The following AGBL1 variants were observed in gnomAD, a reference collection of about 807,000 sequenced individuals.
AGBL1 encodes AGBL carboxypeptidase 1.
Under a neutral mutation model 118.9 loss-of-function variants are expected in AGBL1, and 130 were observed. The observed-to-expected ratio is 1.09, with a 90% CI of 0.95 to 1.26. The LOEUF (loss-of-function observed/expected upper bound fraction) is 1.26. Among genes scored for constraint, AGBL1 ranks in the 50% most tolerant of loss-of-function variants. The pLI is 0.00. For missense variants in AGBL1, 1,584 were observed against 1,298.1 expected (o/e 1.22, Z -3.38); for synonymous variants, 555 against 478.9 (o/e 1.16, Z -2.08).
intron 23 of AGBL1, among the ~76,000 whole-genome samples, chr15:86,967,026 T>C (rs1196461809): frequency 1.3e-5 from 2 of 152,134 alleles, no homozygotes; most frequent in Non-Finnish European, 2.9e-5. Context: ...TTTTAACTGG[T>C]GTGAGATGGT....
Position 86,910,431 on chromosome 15 carries a change from T to G in AGBL1, c.*3137T>G, listed in dbSNP as rs28479499. The G allele has an allele frequency of 0.13, 19,940 of 152,200 alleles. 2,280 individuals are homozygous for G. The highest frequency in any genetic ancestry group is 0.32 in the African/African-American group (13,095 of 41,460). 9.4% of individuals were successfully genotyped at this position (152,200 alleles called of 1,614,324 possible). A position where few individuals can be genotyped will look rare whatever the true frequency, so the allele number is the denominator to read the frequency against. On this transcript the variant is annotated 3_prime_UTR_variant, in exon 23 of 23. Coordinates refer to ENST00000614907, the MANE Select transcript of AGBL1 (RefSeq NM_001386094.1). ...CATTCCTTGATGAAAAGGCTGAATT[T>G]AATTCTGAATGTAATGGGGGAGACT...
chr15:86,505,682 T>C (rs2082968063), intron 18 of AGBL1, among the ~76,000 whole-genome samples: 1 of 152,032 alleles, frequency 6.6e-6, no homozygotes, highest in Admixed American at 6.6e-5. Flanking sequence ...TTCTTTTAGT[T>C]CTTCAGACCT....
At chr15:86,451,324 C>T (rs2082189644) in intron 18 of AGBL1, among the ~76,000 whole-genome samples, 2 of 152,122 alleles carry the variant, frequency 1.3e-5, no homozygotes, top group Admixed American at 6.6e-5. Context: ...ACCTTAGAGA[C>T]ATCTAAAGTG....
intron 22 of AGBL1, among the ~76,000 whole-genome samples, chr15:86,895,934 A>G (rs777098955): frequency 2.6e-5 from 4 of 152,128 alleles, no homozygotes; most frequent in African/African-American, 4.8e-5. Flanking sequence ...TTTCTTGAAG[A>G]TGATCATCTT....
chr15:86,359,760 C>G (rs1212557105), intron 17 of AGBL1, among the ~76,000 whole-genome samples: 4 of 151,852 alleles, frequency 2.6e-5, no homozygotes, highest in Non-Finnish European at 5.9e-5. Context: ...AATAAGCATA[C>G]AAGTCTTTTA....
At chr15:87,015,460 G>A (rs1274537721) in intron 24 of AGBL1, among the ~76,000 whole-genome samples, 1 of 151,922 alleles carries the variant, frequency 6.6e-6, no homozygotes, top group East Asian at 1.9e-4. Context: ...AATATACTAT[G>A]TGTATAGGTA....
intron 18 of AGBL1, among the ~76,000 whole-genome samples, chr15:86,427,346 T>C (rs1567252448): frequency 6.6e-6 from 1 of 152,196 alleles, no homozygotes; most frequent in Non-Finnish European, 1.5e-5. Context: ...GGGTCTTTCA[T>C]AAGATGTTTT....
At chr15:86,404,497 A>T (rs1006394260) in intron 18 of AGBL1, among the ~76,000 whole-genome samples, 49 of 152,280 alleles carry the variant, frequency 3.2e-4, no homozygotes, top group African/African-American at 1.1e-3. Flanking sequence ...ACTCAGCTCT[A>T]CTTTTGAATG....
chr15:86,363,651 T>A (rs2080838732), intron 17 of AGBL1, among the ~76,000 whole-genome samples: 1 of 152,184 alleles, frequency 6.6e-6, no homozygotes, highest in Non-Finnish European at 1.5e-5. Flanking sequence ...TCAGGAATGT[T>A]TATGATTACT....
intron 17 of AGBL1, among the ~76,000 whole-genome samples, chr15:86,375,292 G>A (rs923574293): frequency 6.6e-6 from 1 of 152,116 alleles, no homozygotes; most frequent in Admixed American, 6.6e-5. Context: ...GGGAAAGCAG[G>A]CACCTTCTTC....
chr15:86,878,131 TTTTGTG>T (rs2079839190), intron 22 of AGBL1, among the ~76,000 whole-genome samples: 1 of 152,238 alleles, frequency 6.6e-6, no homozygotes, highest in Non-Finnish European at 1.5e-5. Flanking sequence ...CTGTGTTTGC[TTTTGTG>T]TCATGAGACT....
chr15:86,176,010 G>T (rs1471511848), intron 5 of AGBL1, among the ~76,000 whole-genome samples: 1 of 152,178 alleles, frequency 6.6e-6, no homozygotes, highest in Non-Finnish European at 1.5e-5. Context: ...GTGTTCTCAG[G>T]TGCAGTCTAA....
chr15:86,353,063 T>C (rs1351714142), intron 17 of AGBL1, among the ~76,000 whole-genome samples: 5 of 152,350 alleles, frequency 3.3e-5, no homozygotes, highest in Admixed American at 6.5e-5. Context: ...TTGCAGTATA[T>C]ATGAAACTCA....
At chr15:86,435,123 G>A (rs560440795) in intron 18 of AGBL1, among the ~76,000 whole-genome samples, 1 of 152,304 alleles carries the variant, frequency 6.6e-6, no homozygotes, top group South Asian at 2.1e-4. Context: ...AGGAGGAAAG[G>A]ACTAGAAAGG....
chr15:86,390,276 A>T (rs560802142), intron 17 of AGBL1, among the ~76,000 whole-genome samples: 1 of 152,332 alleles, frequency 6.6e-6, no homozygotes, highest in African/African-American at 2.4e-5. Context: ...TATGGAATAG[A>T]CAAATTCACA....
At chr15:86,605,816 G>A (rs1326097188) in intron 21 of AGBL1, among the ~76,000 whole-genome samples, 1 of 151,724 alleles carries the variant, frequency 6.6e-6, no homozygotes, top group Non-Finnish European at 1.5e-5. Context: ...CTGGGCTAGA[G>A]GAGGCAGCAT....
At chr15:86,184,728 T>C (rs144083079) in intron 5 of AGBL1, among the ~76,000 whole-genome samples, 2,223 of 152,308 alleles carry the variant, frequency 0.015, 60 homozygotes, top group African/African-American at 0.051. Context: ...ATTTATAGAT[T>C]CAATGCCATC....
At chr15:86,311,559 G>T (rs2141824478) in intron 17 of AGBL1, among the ~76,000 whole-genome samples, 1 of 152,224 alleles carries the variant, frequency 6.6e-6, no homozygotes, top group South Asian at 2.1e-4. Flanking sequence ...TGGAGTTCCT[G>T]AATTAAGATT....
chr15:86,504,898 C>G (rs1423057142), intron 18 of AGBL1, among the ~76,000 whole-genome samples: 1 of 151,636 alleles, frequency 6.6e-6, no homozygotes, highest in Admixed American at 6.6e-5. Flanking sequence ...TGTCTAGTGT[C>G]TTTTCATTTA....
Sources: allele counts gnomAD v4.1 joint callset (sites outside exome capture counted in the v4.1 genomes callset), GRCh38; gene constraint gnomAD v4.1.1; transcripts MANE v1.5; gene names NCBI Gene and HGNC (gene_info 2026-07-23, HGNC 2026-07-21).